LRRTM4: variants seen among roughly 807,000 people sequenced by gnomAD.
LRRTM4 encodes the protein leucine rich repeat transmembrane neuronal 4.
In LRRTM4, 25 loss-of-function variants were observed where a neutral mutation model predicts 47.6. The ratio of observed to expected loss-of-function variants is 0.53; its 90% CI spans 0.38 to 0.73. The LOEUF (loss-of-function observed/expected upper bound fraction) is 0.73. LRRTM4 is among the 30% of genes least tolerant of loss of function. LRRTM4 has a pLI of 0.00. For synonymous variants in LRRTM4, 311 were observed against 269.5 expected, an observed-to-expected ratio of 1.15 and a Z score of -1.51; for missense variants, 638 against 713.4, an observed-to-expected ratio of 0.89 and a Z score of 1.20.
intron 3 of LRRTM4, among the ~76,000 whole-genome samples, chr2:77,424,653 A>T (rs935771121): frequency 2.0e-5 from 3 of 152,208 alleles, no homozygotes; most frequent in African/African-American, 7.2e-5. Context: ...CCATCAAGTA[A>T]TACTTTAGTG....
At chr2:76,793,793 T>G (rs550194366) in intron 3 of LRRTM4, among the ~76,000 whole-genome samples, 1 of 152,292 alleles carries the variant, frequency 6.6e-6, no homozygotes, top group East Asian at 1.9e-4. Context: ...GGCAAAGTGC[T>G]GATTTCAGAT....
At chr2:77,294,166 A>G (rs1188684922) in intron 3 of LRRTM4, among the ~76,000 whole-genome samples, 1 of 151,742 alleles carries the variant, frequency 6.6e-6, no homozygotes, top group Non-Finnish European at 1.5e-5. Flanking sequence ...TGTTTTTTGG[A>G]TTTTTATTAA....
At chr2:76,912,645 G>A (rs891341447) in intron 3 of LRRTM4, among the ~76,000 whole-genome samples, 4 of 152,166 alleles carry the variant, frequency 2.6e-5, no homozygotes, top group African/African-American at 9.7e-5. Context: ...TCACCCAAAT[G>A]TCATGAAGAA....
intron 3 of LRRTM4, among the ~76,000 whole-genome samples, chr2:76,910,048 T>C (rs1022519624): frequency 1.3e-5 from 2 of 152,124 alleles, no homozygotes; most frequent in African/African-American, 4.8e-5. Context: ...CATGAACACG[T>C]ATGTTTATTG....
chr2:76,799,479 A>C (rs1428974623), intron 3 of LRRTM4, among the ~76,000 whole-genome samples: 1 of 141,686 alleles, frequency 7.1e-6, no homozygotes, highest in Non-Finnish European at 1.6e-5. Context: ...TCTATGACAA[A>C]CCCACAGCTA....
intron 3 of LRRTM4, among the ~76,000 whole-genome samples, chr2:76,961,562 C>A (rs564346362): frequency 1.3e-5 from 2 of 151,448 alleles, no homozygotes; most frequent in East Asian, 3.9e-4. Context: ...GCATCCTGGG[C>A]AACCTAAGCA....
chr2:76,942,055 A>C (rs556182461), intron 3 of LRRTM4, among the ~76,000 whole-genome samples: 1 of 152,142 alleles, frequency 6.6e-6, no homozygotes, highest in Non-Finnish European at 1.5e-5. Context: ...GCATTTCTCT[A>C]ATGACCAGTG....
intron 3 of LRRTM4, among the ~76,000 whole-genome samples, chr2:77,455,501 C>T (rs1024977663): frequency 5.3e-5 from 8 of 152,056 alleles, no homozygotes; most frequent in Non-Finnish European, 1.5e-5. Flanking sequence ...AGGCTTGCCT[C>T]CAACATACCA....
chr2:77,016,524 T>C (rs1195715475), intron 3 of LRRTM4, among the ~76,000 whole-genome samples: 7 of 152,288 alleles, frequency 4.6e-5, no homozygotes, highest in South Asian at 2.1e-4. Flanking sequence ...AAGCCTATAA[T>C]GTATTACAAT....
At chr2:77,239,730 G>T (rs1334737582) in intron 3 of LRRTM4, among the ~76,000 whole-genome samples, 1 of 151,836 alleles carries the variant, frequency 6.6e-6, no homozygotes, top group African/African-American at 2.4e-5. Flanking sequence ...TAACCCTATT[G>T]TTGCACCTAA....
At chr2:76,841,981 G>A (rs983204621) in intron 3 of LRRTM4, among the ~76,000 whole-genome samples, 2 of 152,138 alleles carry the variant, frequency 1.3e-5, no homozygotes, top group Non-Finnish European at 2.9e-5. Flanking sequence ...TTAATTTCAT[G>A]TATCACTAGA....
intron 3 of LRRTM4, among the ~76,000 whole-genome samples, chr2:77,419,919 C>T (rs928686449): frequency 6.6e-6 from 1 of 152,156 alleles, no homozygotes. Context: ...TAGAAAGCTG[C>T]AGCTTGTACT....
chr2:77,457,816 A>G (rs1397739910), intron 3 of LRRTM4, among the ~76,000 whole-genome samples: 1 of 152,062 alleles, frequency 6.6e-6, no homozygotes, highest in South Asian at 2.1e-4. Context: ...AGCCTTCCAA[A>G]TATCATCACC....
chr2:76,876,261 A>G lies in LRRTM4; in HGVS notation c.1552-127345T>C, dbSNP rs149786813. Among the ~76,000 whole-genome samples, 344 of 152,252 alleles carry G rather than the reference A, an allele frequency of 2.3e-3. 4 individuals are homozygous for G. Among genetic ancestry groups the G allele is most frequent in the African/African-American group, 7.0e-3 (293 of 41,572 alleles). On this transcript the variant is annotated intron_variant, in intron 3 of 3. Transcript: ENST00000409884. ...AATAATGTTCTTTTATAATATCTCAATTTAAAAGATACTCATAATAGGATA... is the reference window on the plus strand; with the variant it reads ...AATAATGTTCTTTTATAATATCTCAGTTTAAAAGATACTCATAATAGGATA...
intron 3 of LRRTM4, among the ~76,000 whole-genome samples, chr2:77,101,225 G>T (rs1002421759): frequency 6.6e-6 from 1 of 152,038 alleles, no homozygotes; most frequent in Non-Finnish European, 1.5e-5. Flanking sequence ...AATATTACAT[G>T]AATAAATGGG....
At position 77,485,291 on chromosome 2, in the gene LRRTM4, G is replaced by A. The variant is rs545104733; in HGVS notation, c.1551+33027C>T. Among the ~76,000 whole-genome samples the A allele has an allele frequency of 8.6e-5, 13 of 152,010 alleles. No individual in the cohort carries two copies. In the East Asian group the frequency reaches 2.1e-3, roughly 25 times the overall value. On this transcript the variant is annotated intron_variant, in intron 3 of 3. Transcript: ENST00000409884. ...AGACAAAGAGACCAAGTAAACCTTG[G>A]GAAAACATGAGAAGGCATCACAAAG...
chr2:77,010,396 T>G (rs1480981601), intron 3 of LRRTM4, among the ~76,000 whole-genome samples: 1 of 152,008 alleles, frequency 6.6e-6, no homozygotes, highest in African/African-American at 2.4e-5. Context: ...TTTGTTTTTC[T>G]GTGCCTGGCT....
chr2:77,048,658 A>G (rs1047276997), intron 3 of LRRTM4, among the ~76,000 whole-genome samples: 3 of 151,626 alleles, frequency 2.0e-5, no homozygotes, highest in African/African-American at 4.9e-5. Context: ...CACGATAACT[A>G]TATGTTTTTT....
In LRRTM4 at chr2:77,089,372, C is replaced by A. The variant is rs545321849; in HGVS notation, c.1552-340456G>T. On this transcript the variant is annotated intron_variant, in intron 3 of 3. Coordinates refer to ENST00000409884, the MANE Select transcript of LRRTM4 (RefSeq NM_001134745.3). The stretch of plus-strand genomic sequence containing the variant: ...CAACCTCATATCTCTGCACCCCAAT[C>A]CCTTATTTCCACGCCCCAACCTCTT... Among the ~76,000 whole-genome samples the A allele has an allele frequency of 9.9e-5, 15 of 152,012 alleles. No homozygotes were observed. The East Asian group carries it at 2.7e-3, about 28-fold the overall frequency.
Sources: gnomAD v4.1 joint callset for allele counts (sites outside exome capture counted in the v4.1 genomes callset) on GRCh38, gnomAD v4.1.1 for gene constraint, MANE v1.5 for transcripts, NCBI Gene and HGNC (gene_info 2026-07-23, HGNC 2026-07-21) for gene names.